SEMA7A: variants seen among roughly 807,000 people sequenced by gnomAD.
SEMA7A encodes semaphorin 7A (JohnMiltonHagen blood group).
SEMA7A carries 21 observed loss-of-function variants against 67.5 expected under a neutral mutation model. The observed-to-expected ratio is 0.31, with a 90% CI of 0.22 to 0.45. The LOEUF is 0.45. Ranked by LOEUF, SEMA7A falls within the 20% of genes least tolerant of loss-of-function variation. The probability of loss-of-function intolerance (pLI) is 1.00; values close to 1 mark genes in which losing one functional copy is unlikely to be tolerated. For synonymous variants in SEMA7A, 364 were observed against 368.5 expected, an observed-to-expected ratio of 0.99 and a Z score of 0.14; for missense variants, 774 against 908.6, an observed-to-expected ratio of 0.85 and a Z score of 1.90.
At chr15:74,431,533 G>A (rs1399833149) in intron 1 of SEMA7A, among the ~76,000 whole-genome samples, 2 of 152,212 alleles carry the variant, frequency 1.3e-5, no homozygotes, top group Non-Finnish European at 2.9e-5. Context: ...GCCTCATAGA[G>A]AAATGGCTCC....
rs778351405 is a variant in SEMA7A at position 74,417,421 on chromosome 15, C to T, written c.575G>A (p.Arg192Gln). The change falls in exon 6 of 14, where the codon CGG (arginine) becomes CAG (glutamine). Residue 192 changes from arginine to glutamine, a missense_variant. Arg to Gln is a conservative substitution (Grantham distance 43, BLOSUM62 1). Transcript: ENST00000261918. ...GATCTTCCCATTGTATTCCTGCTTC[C>T]GGATGGTGGAATACACCTCGTCCCC... Reference protein sequence around the residue: ...FEGDEVYSTIRKQEYNGKIPR... With the variant: ...FEGDEVYSTIQKQEYNGKIPR... 22 of 1,613,868 alleles carry T rather than the reference C, an allele frequency of 1.4e-5. No individual in the cohort carries two copies. Among genetic ancestry groups the T allele is most frequent in the Middle Eastern group, 1.6e-4 (1 of 6,084 alleles).
Position 74,411,586 on chromosome 15 carries a change from C to A in SEMA7A, c.1547G>T (p.Gly516Val), listed in dbSNP as rs530718355. ...SRDPYCGWDQ[G>V]RCISIYSSER... is the part of the protein sequence containing the mutation. Reference sequence around the variant, plus strand: ...GGAGCTGTAGATGGAGATGCAGCGGCCTTGGTCCCAGCCGCAGTAGGGGTC... The same window carrying A: ...GGAGCTGTAGATGGAGATGCAGCGGACTTGGTCCCAGCCGCAGTAGGGGTC... Residue 516 changes from glycine to valine, a missense_variant, in exon 12 of 14, where the codon GGC becomes GTC. Gly to Val is a moderately radical substitution (Grantham distance 109). Coordinates refer to ENST00000261918, the MANE Select transcript of SEMA7A (RefSeq NM_003612.5). This position sits in a 1 kb window ranked among gnomAD's most constrained non-coding sequence, Gnocchi z 4.4. 168 of 1,588,954 alleles carry A rather than the reference C, an allele frequency of 1.1e-4. No homozygotes were observed. Among genetic ancestry groups the A allele is most frequent in the South Asian group, 9.5e-4 (83 of 87,572 alleles).
intron 7 of SEMA7A, among the ~76,000 whole-genome samples, chr15:74,416,340 C>A (rs1204000378): frequency 6.6e-6 from 1 of 152,086 alleles, no homozygotes; most frequent in Non-Finnish European, 1.5e-5. Context: ...CACACACACA[C>A]ACCCCATCAT....
At chr15:74,422,543 G>A (rs923119178) in intron 1 of SEMA7A, among the ~76,000 whole-genome samples, 12 of 152,154 alleles carry the variant, frequency 7.9e-5, no homozygotes, top group Admixed American at 5.9e-4. Context: ...GTACCCAGCC[G>A]GACTCCATAG....
Position 74,412,792 on chromosome 15 carries a change from TCAGGACTC to T in SEMA7A, c.1295-788_1295-781del, listed in dbSNP as rs1421746944. Among the ~76,000 whole-genome samples the T allele has an allele frequency of 7.9e-5, 12 of 151,910 alleles. No homozygotes were observed. The East Asian group carries it at 2.3e-3, about 29-fold the overall frequency. ...TCCTTCTTCTGTTCTAGGATCCAAT[TCAGGACTC>T]CACGTTGCATTTGATCTTAGGGGAT... On this transcript the variant is annotated intron_variant, in intron 10 of 13. Transcript: ENST00000261918.
At position 74,417,377 on chromosome 15, in the gene SEMA7A, G is replaced by A. The variant is rs56367230; in HGVS notation, c.619C>T (p.Arg207Trp). Reference sequence around the variant, plus strand: ...CTGGTGTACAGCTCACTCTCGCCCCGGATGCGGCGGAACCGAGGGATCTTC... The same window carrying A: ...CTGGTGTACAGCTCACTCTCGCCCCAGATGCGGCGGAACCGAGGGATCTTC... ...NGKIPRFRRI[R>W]GESELYTSDT... Residue 207 changes from arginine (R) to tryptophan (W), a missense_variant, in exon 6 of 14, where the codon CGG (arginine) becomes TGG (tryptophan). Physicochemically the swap from Arg to Trp is moderately radical, Grantham distance 101. Coordinates refer to ENST00000261918, the MANE Select transcript of SEMA7A (RefSeq NM_003612.5). The A allele has an allele frequency of 5.7e-5, 92 of 1,613,878 alleles. No homozygotes were observed. The highest frequency in any genetic ancestry group is 1.6e-4 in the Middle Eastern group (1 of 6,084).
At chr15:74,417,122 C>G (rs1055721511) in intron 6 of SEMA7A, among the ~76,000 whole-genome samples, 1 of 152,150 alleles carries the variant, frequency 6.6e-6, no homozygotes, top group Non-Finnish European at 1.5e-5. Context: ...TGTTTGTGTT[C>G]CTGAAGAGGG....
chr15:74,418,766 G>T (rs751302990), intron 2 of SEMA7A, 35 bp downstream of exon 2: 1 of 1,606,662 alleles, frequency 6.2e-7, no homozygotes, highest in Non-Finnish European at 8.5e-7. Context: ...GAGATAAGAG[G>T]GTAGGGGGGG....
chr15:74,420,597 T>A (rs565575001), intron 1 of SEMA7A, among the ~76,000 whole-genome samples: 1 of 152,272 alleles, frequency 6.6e-6, no homozygotes, highest in East Asian at 1.9e-4. Context: ...TGAGAGGTAC[T>A]GGCACTTCGG....
At chr15:74,422,741 C>T (rs981163979) in intron 1 of SEMA7A, among the ~76,000 whole-genome samples, 1 of 152,190 alleles carries the variant, frequency 6.6e-6, no homozygotes, top group Non-Finnish European at 1.5e-5. Context: ...ACCCTACCCT[C>T]GATCACCACC....
intron 1 of SEMA7A, among the ~76,000 whole-genome samples, chr15:74,425,258 T>A (rs912460519): frequency 6.6e-6 from 1 of 152,226 alleles, no homozygotes; most frequent in African/African-American, 2.4e-5. Context: ...CTATTCCAAA[T>A]GATTTTTAGA....
chr15:74,421,893 G>A (rs1243362098), intron 1 of SEMA7A, among the ~76,000 whole-genome samples: 1 of 152,244 alleles, frequency 6.6e-6, no homozygotes, highest in Non-Finnish European at 1.5e-5. Flanking sequence ...CAGGCCAAGG[G>A]AGTATGTATC....
Position 74,411,020 on chromosome 15 carries a change from G to C in SEMA7A, c.1640-35C>G. 6.3e-7 allele frequency: 1 copy of C among 1,590,164 alleles called. No individual in the cohort carries two copies. Among genetic ancestry groups the C allele is most frequent in the Non-Finnish European group, 8.6e-7 (1 of 1,168,186 alleles). ...CAGTGGGGAAGCAGCCGTGAGGAGG[G>C]ACAAAGAGCTCCCAGGGGAGGATGT... On this transcript the variant is annotated intron_variant, in intron 13 of 13. Coordinates refer to ENST00000261918, the MANE Select transcript of SEMA7A (RefSeq NM_003612.5). The surrounding 1 kb of genome is among the most constrained non-coding windows in gnomAD (Gnocchi z 4.4).
Position 74,431,183 on chromosome 15 carries a change from G to T in SEMA7A, c.178+2558C>A, listed in dbSNP as rs1452073220. Among the ~76,000 whole-genome samples the T allele has an allele frequency of 2.0e-5, 3 of 152,212 alleles. No homozygotes were observed. The East Asian group carries it at 5.8e-4, about 29-fold the overall frequency. ...ATCAGGACCACACATGCACATCCTT[G>T]ACTGGCCCATGTGTCAGTGACAGCC... On this transcript the variant is annotated intron_variant, in intron 1 of 13. Transcript: ENST00000261918.
Position 74,433,854 on chromosome 15 carries a change from G to A in SEMA7A, c.65C>T (p.Pro22Leu), listed in dbSNP as rs1293298887. 6 of 1,314,600 alleles carry A rather than the reference G, an allele frequency of 4.6e-6. No individual in the cohort carries two copies. The highest frequency in any genetic ancestry group is 2.2e-5 in the South Asian group (1 of 44,626). The allele number at this position is 1,314,600 out of a possible 1,614,324, so 81.4% of individuals were successfully genotyped here. A position where few individuals can be genotyped will look rare whatever the true frequency, so the allele number is the denominator to read the frequency against. Residue 22 changes from proline (P) to leucine (L), a missense_variant, in exon 1 of 14, where the codon CCG becomes CTG. Transcript: ENST00000261918. Reference protein sequence around the residue: ...SAPRARVPGPPARLGLPLRLR... With the variant: ...SAPRARVPGPLARLGLPLRLR... Reference sequence around the variant, plus strand: ...CCGCAGCGGAAGCCCCAACCGAGCCGGCGGGCCAGGGACGCGGGCGCGCGG... The same window carrying A: ...CCGCAGCGGAAGCCCCAACCGAGCCAGCGGGCCAGGGACGCGGGCGCGCGG...
intron 10 of SEMA7A, among the ~76,000 whole-genome samples, chr15:74,413,635 T>C (rs955410005): frequency 6.6e-6 from 1 of 152,120 alleles, no homozygotes; most frequent in African/African-American, 2.4e-5. Flanking sequence ...CCGGGATGAA[T>C]AGGGAGTAAA....
In SEMA7A at chr15:74,411,569, A is replaced by G; in HGVS notation, c.1564T>C (p.Tyr522His). 6.3e-7 allele frequency: 1 copy of G among 1,576,134 alleles called. No homozygotes were observed. The highest frequency in any genetic ancestry group is 1.2e-5 in the South Asian group (1 of 85,306). The change falls in exon 12 of 14, where the codon TAC (tyrosine) becomes CAC (histidine). Residue 522 changes from tyrosine to histidine, a missense_variant. Physicochemically the swap from Tyr to His is moderately conservative, Grantham distance 83. Transcript: ENST00000261918. This position sits in a 1 kb window ranked among gnomAD's most constrained non-coding sequence, Gnocchi z 4.4. ...GWDQGRCISI[Y>H]SSERSVLQSI... Reference sequence around the variant, plus strand: ...CGGCCAACGTACCGTTCGGAGCTGTAGATGGAGATGCAGCGGCCTTGGTCC... The same window carrying G: ...CGGCCAACGTACCGTTCGGAGCTGTGGATGGAGATGCAGCGGCCTTGGTCC...
intron 1 of SEMA7A, 114 bp from the exon 2 acceptor site, chr15:74,419,066 G>T (rs976768887): frequency 5.6e-6 from 7 of 1,242,640 alleles, no homozygotes; most frequent in Admixed American, 2.2e-5. Flanking sequence ...GTCCTGGCAG[G>T]GCGTCAGACA....
intron 8 of SEMA7A, among the ~76,000 whole-genome samples, chr15:74,415,243 G>A (rs1262201216): frequency 6.6e-6 from 1 of 152,110 alleles, no homozygotes; most frequent in Admixed American, 6.5e-5. Flanking sequence ...CTGGGCACAG[G>A]CTGTGGGGTG....
Sources: gnomAD v4.1 joint callset for allele counts (sites outside exome capture counted in the v4.1 genomes callset) on GRCh38, gnomAD v4.1.1 for gene constraint, Gnocchi (gnomAD v3.1) non-coding constraint, MANE v1.5 for transcripts, NCBI Gene and HGNC (gene_info 2026-07-23, HGNC 2026-07-21) for gene names.